The following MYOM1 variants were observed in gnomAD, a reference collection of about 807,000 sequenced individuals.
The protein encoded by MYOM1 is myomesin 1, also known as myomesin-1.
In MYOM1, 164 loss-of-function variants were observed where a neutral mutation model predicts 205.3. The ratio of observed to expected loss-of-function variants is 0.80; its 90% CI spans 0.70 to 0.91. The LOEUF (loss-of-function observed/expected upper bound fraction) is 0.91. MYOM1 is among the 40% of genes least tolerant of loss of function. The pLI is 0.00. For synonymous variants in MYOM1, 772 were observed against 789.4 expected, an observed-to-expected ratio of 0.98 and a Z score of 0.37; for missense variants, 2,011 against 2,127.3, an observed-to-expected ratio of 0.95 and a Z score of 1.08.
intron 26 of MYOM1, 44 bp downstream of exon 26, chr18:3,094,126 T>C: frequency 6.3e-7 from 1 of 1,597,884 alleles, no homozygotes. Flanking sequence ...CCTCAGTGTA[T>C]TCTACAATGA....
intron 10 of MYOM1, among the ~76,000 whole-genome samples, chr18:3,161,763 C>T (rs1202227409): frequency 1.3e-5 from 2 of 152,110 alleles, no homozygotes; most frequent in Admixed American, 1.3e-4. Context: ...TAAGCTAGTT[C>T]CACTTCTGCT....
chr18:3,126,621 G>T, intron 19 of MYOM1, 80 bp downstream of exon 19: 1 of 1,287,580 alleles, frequency 7.8e-7, no homozygotes, highest in East Asian at 2.4e-5. Context: ...CTTACAAGGT[G>T]CTGGGTGTGT....
At chr18:3,200,573 A>C (rs1445379752) in intron 2 of MYOM1, among the ~76,000 whole-genome samples, 2 of 152,202 alleles carry the variant, frequency 1.3e-5, no homozygotes, top group Non-Finnish European at 2.9e-5. Flanking sequence ...GACACTCTGG[A>C]GTTAAAAAGT....
At chr18:3,224,751 G>A (rs1366673921), upstream of MYOM1, among the ~76,000 whole-genome samples, 4 of 151,704 alleles carry the variant, frequency 2.6e-5, no homozygotes, top group Non-Finnish European at 4.4e-5. Flanking sequence ...TGCAACCTCC[G>A]CCTCTTGGGT....
intron 2 of MYOM1, among the ~76,000 whole-genome samples, chr18:3,214,095 CAAAT>C (rs1390913817): frequency 6.6e-6 from 1 of 152,148 alleles, no homozygotes; most frequent in Non-Finnish European, 1.5e-5. Flanking sequence ...ATGTTTTTAT[CAAAT>C]GGTCGAGCTA....
At chr18:3,147,341 A>G (rs904486024) in intron 13 of MYOM1, among the ~76,000 whole-genome samples, 3 of 151,844 alleles carry the variant, frequency 2.0e-5, no homozygotes, top group Admixed American at 2.0e-4. Flanking sequence ...GGACCTGCTC[A>G]CTAAAACTAC....
intron 27 of MYOM1, 111 bp downstream of exon 27, chr18:3,090,547 C>T: frequency 7.2e-7 from 1 of 1,387,550 alleles, no homozygotes; most frequent in South Asian, 1.3e-5. Flanking sequence ...CATTAGAAGT[C>T]AATTAAGAAA....
At chr18:3,221,134 C>T (rs2144282033), upstream of MYOM1, among the ~76,000 whole-genome samples, 1 of 152,278 alleles carries the variant, frequency 6.6e-6, no homozygotes. Context: ...AATCCTCCCA[C>T]CTCAGCCTCC....
intron 19 of MYOM1, 93 bp from the exon 20 acceptor site, chr18:3,120,088 C>G (rs1413412128): frequency 5.6e-5 from 82 of 1,471,196 alleles, no homozygotes; most frequent in Admixed American, 1.1e-4. Context: ...CCTTCCATGT[C>G]AGACACACCC....
At chr18:3,092,336 A>G (rs528056668) in intron 26 of MYOM1, among the ~76,000 whole-genome samples, 2 of 152,268 alleles carry the variant, frequency 1.3e-5, no homozygotes, top group South Asian at 2.1e-4. Flanking sequence ...GACTACAGGC[A>G]CACACCACTA....
intron 17 of MYOM1, 73 bp downstream of exon 17, chr18:3,131,302 A>G: frequency 6.6e-7 from 1 of 1,520,798 alleles, no homozygotes; most frequent in Non-Finnish European, 9.0e-7. Context: ...TAATTTCTGG[A>G]GAGGATGGTA....
At chr18:3,225,744 A>G in the MYOM1 span, among the ~76,000 whole-genome samples, 7,629 of 152,162 alleles carry the variant, frequency 0.05, 422 homozygotes, top group African/African-American at 0.14. Context: ...AAAGTTGACC[A>G]TGGTTATGCT....
chr18:3,099,488 A>G (rs2079349608), intron 25 of MYOM1, among the ~76,000 whole-genome samples: 1 of 152,204 alleles, frequency 6.6e-6, no homozygotes, highest in African/African-American at 2.4e-5. Flanking sequence ...CCAGGGTGCA[A>G]CTTTCTGGAT....
At chr18:3,107,870 G>C (rs150388073) in intron 22 of MYOM1, among the ~76,000 whole-genome samples, 11 of 152,272 alleles carry the variant, frequency 7.2e-5, no homozygotes, top group Admixed American at 1.3e-4. Context: ...CTGTTCAGGG[G>C]CTGAAACCAC....
chr18:3,127,305 A>ATATATATATATATATTTTT (rs56880961), intron 18 of MYOM1, among the ~76,000 whole-genome samples: 1 of 47,580 alleles, frequency 2.1e-5, no homozygotes, highest in African/African-American at 9.2e-5. Context: ...ATATATATAT[A>ATATATATATATATATTTTT]TTTTTTTTTT....
chr18:3,128,442 G>A (rs1386689739), intron 18 of MYOM1, among the ~76,000 whole-genome samples: 1 of 152,074 alleles, frequency 6.6e-6, no homozygotes, highest in Non-Finnish European at 1.5e-5. Flanking sequence ...ATTAGCCACA[G>A]GTACCAAATA....
Position 3,179,575 on chromosome 18 carries a change from A to G in MYOM1, c.930-3441T>C, listed in dbSNP as rs1196218810. Among the ~76,000 whole-genome samples the G allele has an allele frequency of 1.3e-5, 2 of 152,194 alleles. No individual in the cohort carries two copies. Among genetic ancestry groups the G allele is most frequent in the African/African-American group, 4.8e-5 (2 of 41,448 alleles). On this transcript the variant is annotated intron_variant, in intron 5 of 37. Coordinates refer to ENST00000356443, the MANE Select transcript of MYOM1 (RefSeq NM_003803.4). The surrounding 1 kb of genome is among the most constrained non-coding windows in gnomAD (Gnocchi z 4.4). ...GCAGCTGTGTGGCAGGTGCAGCAAC[A>G]TAACCTTCTCCAAACACAGAAGACC...
the MYOM1 span, among the ~76,000 whole-genome samples, chr18:3,242,267 C>T: frequency 2.0e-4 from 30 of 152,212 alleles, no homozygotes; most frequent in South Asian, 5.4e-3. Context: ...TGTTGTGGGA[C>T]GGACCCAGTG....
At chr18:3,097,210 A>G (rs1421062694) in intron 25 of MYOM1, among the ~76,000 whole-genome samples, 1 of 152,220 alleles carries the variant, frequency 6.6e-6, no homozygotes, top group Non-Finnish European at 1.5e-5. Context: ...ACCAACAGGA[A>G]GTGGGTATGA....
Sources: allele counts gnomAD v4.1 joint callset (sites outside exome capture counted in the v4.1 genomes callset), GRCh38; gene constraint gnomAD v4.1.1; non-coding constraint Gnocchi (gnomAD v3.1); transcripts MANE v1.5; gene names NCBI Gene and HGNC (gene_info 2026-07-23, HGNC 2026-07-21).